The following COG5 variants were observed in gnomAD, a reference collection of about 807,000 sequenced individuals.
The protein encoded by COG5 is component of oligomeric golgi complex 5, also known as conserved oligomeric Golgi complex subunit 5.
A neutral mutation model predicts 110.4 loss-of-function variants in COG5; 86 were observed. The observed-to-expected ratio is 0.78, with a 90% CI of 0.65 to 0.93. COG5 has a LOEUF of 0.93. Ranked by LOEUF, COG5 falls within the 40% of genes least tolerant of loss-of-function variation. The pLI is 0.00. For missense variants in COG5, 1,077 were observed against 987.0 expected (o/e 1.09, Z -1.22); for synonymous variants, 360 against 334.6 (o/e 1.08, Z -0.83).
At chr7:107,342,468 A>C (rs936500458) in intron 10 of COG5, among the ~76,000 whole-genome samples, 1 of 151,846 alleles carries the variant, frequency 6.6e-6, no homozygotes, top group Admixed American at 6.6e-5. Context: ...ACCTGAGGTC[A>C]GGAGTTTGAG....
chr7:107,255,686 T>C (rs1275224214), intron 16 of COG5, among the ~76,000 whole-genome samples: 1 of 152,158 alleles, frequency 6.6e-6, no homozygotes, highest in Non-Finnish European at 1.5e-5. Flanking sequence ...TACTCTTGTG[T>C]AGGCTTATTG....
intron 21 of COG5, chr7:107,209,950 A>G (rs1799047492): frequency 2.0e-6 from 2 of 989,560 alleles, no homozygotes; most frequent in Non-Finnish European, 1.2e-6. Flanking sequence ...TTAATAAGCC[A>G]TGTATGACAG....
intron 10 of COG5, among the ~76,000 whole-genome samples, chr7:107,332,987 T>C (rs1184125533): frequency 1.3e-5 from 2 of 152,028 alleles, no homozygotes; most frequent in African/African-American, 4.8e-5. Flanking sequence ...AGCAATACAA[T>C]TTTTTTGGTC....
rs1187203207 is a variant in COG5, at chr7:107,337,670, G to A, written c.1027-13149C>T. On this transcript the variant is annotated intron_variant, in intron 10 of 21. Transcript: ENST00000297135. ...AGGGGTGTGTGTTTTGGGTGGGGGA[G>A]AAAGTGGGGGTTGGTAAATGGCTAA... 2.6e-5 allele frequency among the ~76,000 whole-genome samples: 4 copies of A among 152,130 alleles called. 1 individual carries two copies. The East Asian group carries it at 7.7e-4, about 29-fold the overall frequency.
At chr7:107,299,381 G>GTAA (rs1406771877) in intron 11 of COG5, among the ~76,000 whole-genome samples, 1 of 151,990 alleles carries the variant, frequency 6.6e-6, no homozygotes, top group African/African-American at 2.4e-5. Context: ...TACTGAAAGG[G>GTAA]TAATAAAGGA....
intron 18 of COG5, among the ~76,000 whole-genome samples, chr7:107,231,245 A>G (rs1294731893): frequency 6.6e-6 from 1 of 152,232 alleles, no homozygotes; most frequent in Non-Finnish European, 1.5e-5. Context: ...CCTACTTAAT[A>G]GAATAATGCA....
intron 5 of COG5, among the ~76,000 whole-genome samples, chr7:107,539,122 T>A (rs1437696622): frequency 1.3e-5 from 2 of 151,822 alleles, no homozygotes; most frequent in African/African-American, 4.8e-5. Context: ...TAAAAAAAAT[T>A]AAAATTTAAA....
At chr7:107,494,613 T>C (rs1798158766) in intron 6 of COG5, among the ~76,000 whole-genome samples, 2 of 152,184 alleles carry the variant, frequency 1.3e-5, no homozygotes, top group African/African-American at 4.8e-5. Context: ...TCATCTAGGT[T>C]TGTGTAAATA....
intron 17 of COG5, among the ~76,000 whole-genome samples, chr7:107,247,324 G>A (rs956400865): frequency 1.2e-4 from 18 of 152,058 alleles, no homozygotes; most frequent in African/African-American, 3.9e-4. Flanking sequence ...TCCATGACAC[G>A]TGTTTACCTA....
At chr7:107,506,742 A>G (rs1160003563) in intron 6 of COG5, among the ~76,000 whole-genome samples, 4 of 152,136 alleles carry the variant, frequency 2.6e-5, no homozygotes, top group African/African-American at 7.2e-5. Flanking sequence ...CACAGGTTTC[A>G]GGCCACGCCC....
chr7:107,234,451 A>G (rs1801010194), intron 18 of COG5, among the ~76,000 whole-genome samples: 1 of 152,226 alleles, frequency 6.6e-6, no homozygotes, highest in Non-Finnish European at 1.5e-5. Flanking sequence ...GATGCTATGC[A>G]TTTTGAGCAG....
chr7:107,279,669 T>G (rs570855215), intron 14 of COG5, among the ~76,000 whole-genome samples: 8 of 152,250 alleles, frequency 5.3e-5, no homozygotes, highest in African/African-American at 1.9e-4. Flanking sequence ...AAATAAGGCA[T>G]ATGATGTTTT....
intron 18 of COG5, among the ~76,000 whole-genome samples, chr7:107,235,982 T>G (rs1244435763): frequency 6.6e-6 from 1 of 152,108 alleles, no homozygotes; most frequent in Non-Finnish European, 1.5e-5. Context: ...AGAGAACAAA[T>G]AATCAGACTC....
intron 7 of COG5, among the ~76,000 whole-genome samples, chr7:107,381,278 T>C (rs971858705): frequency 1.3e-5 from 2 of 152,196 alleles, no homozygotes; most frequent in African/African-American, 4.8e-5. Context: ...GCTTTTCAGA[T>C]AGTGCAGAGG....
chr7:107,466,618 T>C (rs1011186212), intron 6 of COG5, among the ~76,000 whole-genome samples: 1 of 152,226 alleles, frequency 6.6e-6, no homozygotes, highest in Non-Finnish European at 1.5e-5. Context: ...CCCCACTTGA[T>C]GGAAGTTCAG....
Position 107,201,451 on chromosome 7 carries a change from TAA to T in COG5, c.*2063_*2064del, listed in dbSNP as rs760187814. On this transcript the variant is annotated 3_prime_UTR_variant, in exon 22 of 22. Coordinates refer to ENST00000297135, the MANE Select transcript of COG5 (RefSeq NM_006348.5). ...CATTAAACCAGGATGCTTATGTTCT[TAA>T]GTCTATATTTGCATATACATTGACT... 3 of 1,527,974 alleles carry T rather than the reference TAA, an allele frequency of 2.0e-6. No homozygotes were observed. Among genetic ancestry groups the T allele is most frequent in the Admixed American group, 1.7e-5 (1 of 59,208 alleles). 94.7% of individuals were successfully genotyped at this position (1,527,974 alleles called of 1,614,324 possible). A position where few individuals can be genotyped will look rare whatever the true frequency, so the allele number is the denominator to read the frequency against.
intron 11 of COG5, among the ~76,000 whole-genome samples, chr7:107,321,576 A>G (rs1353266779): frequency 1.3e-5 from 2 of 152,202 alleles, no homozygotes; most frequent in African/African-American, 4.8e-5. Flanking sequence ...AAACATAGAC[A>G]TTCAGAAAAA....
At chr7:107,400,656 C>T (rs970149642) in intron 7 of COG5, among the ~76,000 whole-genome samples, 2 of 152,036 alleles carry the variant, frequency 1.3e-5, no homozygotes, top group African/African-American at 2.4e-5. Flanking sequence ...ATTCAGTGAA[C>T]TGGAAAACTA....
At chr7:107,379,338 G>A (rs750793484) in intron 7 of COG5, among the ~76,000 whole-genome samples, 5 of 152,032 alleles carry the variant, frequency 3.3e-5, no homozygotes, top group Admixed American at 6.6e-5. Context: ...TGAAGACCAC[G>A]GACACTATGG....
Sources: allele counts gnomAD v4.1 joint callset (sites outside exome capture counted in the v4.1 genomes callset), GRCh38; gene constraint gnomAD v4.1.1; transcripts MANE v1.5; gene names NCBI Gene and HGNC (gene_info 2026-07-23, HGNC 2026-07-21).